AKR7A2: variants seen among roughly 807,000 people sequenced by gnomAD.
AKR7A2 encodes aldo-keto reductase family 7 member A2.
In AKR7A2, 29 loss-of-function variants were observed where a neutral mutation model predicts 37.3. The ratio of observed to expected loss-of-function variants is 0.78; its 90% CI spans 0.58 to 1.06. The LOEUF (loss-of-function observed/expected upper bound fraction) is 1.06. Ranked by LOEUF, AKR7A2 falls within the 50% of genes least tolerant of loss-of-function variation. The pLI is 0.00. For synonymous variants in AKR7A2, 228 were observed against 217.8 expected, an observed-to-expected ratio of 1.05 and a Z score of -0.41; for missense variants, 529 against 497.9, an observed-to-expected ratio of 1.06 and a Z score of -0.59.
chr1:19,304,733 C>G (rs1196175847), intron 6 of AKR7A2, among the ~76,000 whole-genome samples: 1 of 152,092 alleles, frequency 6.6e-6, no homozygotes, highest in Admixed American at 6.6e-5. Context: ...CCAAAGTGTT[C>G]AAGACCAGCC....
In AKR7A2 at chr1:19,312,039, G is replaced by C; in HGVS notation, c.86C>G (p.Ala29Gly). Residue 29 changes from alanine to glycine, a missense_variant, in exon 1 of 7, where the codon GCC becomes GGC. Ala to Gly is a moderately conservative substitution (Grantham distance 60). Coordinates refer to ENST00000235835, the MANE Select transcript of AKR7A2 (RefSeq NM_003689.4). Reference sequence around the variant, plus strand: ...CCGCGGTGGCGGTGGCCGGGACATGGCGAGCGCGCGGGCCTCGGGCGGCGG... The same window carrying C: ...CCGCGGTGGCGGTGGCCGGGACATGCCGAGCGCGCGGGCCTCGGGCGGCGG... ...RSPPPEARAL[A>G]MSRPPPPRVA... 7.2e-7 allele frequency: 1 copy of C among 1,397,448 alleles called. No individual in the cohort carries two copies. The highest frequency in any genetic ancestry group is 9.2e-7 in the Non-Finnish European group (1 of 1,083,166). 86.6% of individuals were successfully genotyped at this position (1,397,448 alleles called of 1,614,324 possible).
downstream of AKR7A2, chr1:19,303,818 C>T (rs1048365387): frequency 3.1e-6 from 1 of 320,944 alleles, no homozygotes; most frequent in African/African-American, 2.1e-5. Flanking sequence ...GTATTCAGAC[C>T]AGGGGCCCGA....
At chr1:19,303,827 G>A (rs1036301991), downstream of AKR7A2, 12 of 303,088 alleles carry the variant, frequency 4.0e-5, no homozygotes, top group South Asian at 9.3e-5. Context: ...CCAGGGGCCC[G>A]AGGAGACCCT....
intron 1 of AKR7A2, among the ~76,000 whole-genome samples, chr1:19,311,480 AC>A: frequency 6.6e-6 from 1 of 152,310 alleles, no homozygotes; most frequent in Admixed American, 6.5e-5. Flanking sequence ...GATGATGGTA[AC>A]GAAGGGGTAG....
At position 19,306,058 on chromosome 1, in the gene AKR7A2, G is replaced by A. The variant is rs79772073; in HGVS notation, c.878C>T (p.Ser293Leu). The A allele has an allele frequency of 7.2e-5, 117 of 1,614,126 alleles. 1 individual carries two copies. In the East Asian group the frequency reaches 2.0e-3, roughly 27 times the overall value. The change falls in exon 6 of 7, where the codon TCG becomes TTG. Residue 293 changes from serine to leucine, a missense_variant. Coordinates refer to ENST00000235835, the MANE Select transcript of AKR7A2 (RefSeq NM_003689.4). ...AYGASAPSVT[S>L]AALRWMYHHS... ...GTGGTACATCCACCGGAGGGCAGCC[G>A]AGGTCACACTGGGGGCGCTGGCGCC... is the stretch of plus-strand genomic sequence containing the variant.
At chr1:19,309,303 A>C (rs1395029623) in intron 1 of AKR7A2, among the ~76,000 whole-genome samples, 1 of 152,186 alleles carries the variant, frequency 6.6e-6, no homozygotes, top group Non-Finnish European at 1.5e-5. Context: ...TGATCATTCC[A>C]GATTTTGTCA....
In AKR7A2 at chr1:19,304,192, G is replaced by A. The variant is rs1482863556; in HGVS notation, c.*33C>T. ...GTGTGAGAGAACAAAAGAGGTGACA[G>A]AAAAGCCTTGGGCAGCCTGAGCCAT... On this transcript the variant is annotated 3_prime_UTR_variant, in exon 7 of 7. Coordinates refer to ENST00000235835, the MANE Select transcript of AKR7A2 (RefSeq NM_003689.4). The A allele has an allele frequency of 2.5e-6, 4 of 1,614,112 alleles. No homozygotes were observed. The highest frequency in any genetic ancestry group is 1.1e-5 in the South Asian group (1 of 91,090).
rs898756371 is a variant in AKR7A2 at position 19,306,068 on chromosome 1, T to C, written c.868A>G (p.Ser290Gly). 2 of 1,614,022 alleles carry C rather than the reference T, an allele frequency of 1.2e-6. No homozygotes were observed. Among genetic ancestry groups the C allele is most frequent in the Admixed American group, 1.7e-5 (1 of 60,006 alleles). Residue 290 changes from serine (S) to glycine (G), a missense_variant, in exon 6 of 7, where the codon AGT becomes GGT. Transcript: ENST00000235835. Reference protein sequence around the residue: ...LQAAYGASAPSVTSAALRWMY... With the variant: ...LQAAYGASAPGVTSAALRWMY... ...CACCGGAGGGCAGCCGAGGTCACACTGGGGGCGCTGGCGCCATATGCGGCC... is the reference window on the plus strand; with the variant it reads ...CACCGGAGGGCAGCCGAGGTCACACCGGGGGCGCTGGCGCCATATGCGGCC...
intron 1 of AKR7A2, among the ~76,000 whole-genome samples, chr1:19,311,119 G>A (rs979034950): frequency 1.1e-4 from 17 of 152,148 alleles, no homozygotes; most frequent in African/African-American, 4.1e-4. Context: ...AGCATTTGCT[G>A]AGCCTTCCCT....
chr1:19,311,549 C>A (rs1255888895), intron 1 of AKR7A2, among the ~76,000 whole-genome samples: 3 of 147,408 alleles, frequency 2.0e-5, no homozygotes, highest in African/African-American at 7.6e-5. Context: ...GGTTTGGAGG[C>A]GGGGGCATCA....
rs2151988909 is a variant in AKR7A2, at chr1:19,307,460, A to G, written c.592-50T>C. On this transcript the variant is annotated intron_variant, in intron 3 of 6. Coordinates refer to ENST00000235835, the MANE Select transcript of AKR7A2 (RefSeq NM_003689.4). ...CAGGGTGGACATGTCAAGAGAAGGAACTGTTGCCTTCCACTTTCAAACCTC... is the reference window on the plus strand; with the variant it reads ...CAGGGTGGACATGTCAAGAGAAGGAGCTGTTGCCTTCCACTTTCAAACCTC... 5 of 1,597,770 alleles carry G rather than the reference A, an allele frequency of 3.1e-6. No individual in the cohort carries two copies. In the African/African-American group the frequency reaches 4.0e-5, roughly 13 times the overall value.
In AKR7A2 at chr1:19,312,047, G is replaced by A. The variant is rs2151991928; in HGVS notation, c.78C>T (p.Arg26=). ...GCGGTGGCCGGGACATGGCGAGCGC[G>A]CGGGCCTCGGGCGGCGGAGAGCGAA... ...CALRSPPPEA[R]ALAMSRPPPP... is the part of the protein sequence containing the mutation. Residue 26 remains arginine, a synonymous_variant, in exon 1 of 7, where the codon CGC becomes CGT. Coordinates refer to ENST00000235835, the MANE Select transcript of AKR7A2 (RefSeq NM_003689.4). 2.2e-6 allele frequency: 3 copies of A among 1,385,064 alleles called. No homozygotes were observed. Among genetic ancestry groups the A allele is most frequent in the East Asian group, 3.1e-5 (1 of 32,756 alleles). The allele number at this position is 1,385,064 out of a possible 1,614,324, so 85.8% of individuals were successfully genotyped here. A position where few individuals can be genotyped will look rare whatever the true frequency, so the allele number is the denominator to read the frequency against.
intron 3 of AKR7A2, chr1:19,307,693 A>C (rs866417929): frequency 1.5e-5 from 8 of 549,440 alleles, no homozygotes; most frequent in Middle Eastern, 4.7e-4. Flanking sequence ...ATGTTTACTC[A>C]AGTTTAAAAA....
rs2093769330 is a variant in AKR7A2 at position 19,310,077 on chromosome 1, AAAAAC to A, written c.299-1440_299-1436del. 2.0e-5 allele frequency among the ~76,000 whole-genome samples: 3 copies of A among 150,674 alleles called. No homozygotes were observed. In the South Asian group the frequency reaches 6.3e-4, roughly 31 times the overall value. ...GGCGACAGAGTGAGACTCTGTGTCA[AAAAAC>A]AAAAAACAAAACAAAAAAAAAGAAC... is the stretch of plus-strand genomic sequence containing the variant. On this transcript the variant is annotated intron_variant, in intron 1 of 6. Coordinates refer to ENST00000235835, the MANE Select transcript of AKR7A2 (RefSeq NM_003689.4).
chr1:19,308,268 T>A lies in AKR7A2; in HGVS notation c.487-6A>T. Reference sequence around the variant, plus strand: ...CCAAGCTCCACGAACTTGCCCTGCATGGGTGAGGCTCCAGTCAGAACGCAG... The same window carrying A: ...CCAAGCTCCACGAACTTGCCCTGCAAGGGTGAGGCTCCAGTCAGAACGCAG... On this transcript the variant is annotated splice_region_variant and splice_polypyrimidine_tract_variant and intron_variant, in intron 2 of 6. Coordinates refer to ENST00000235835, the MANE Select transcript of AKR7A2 (RefSeq NM_003689.4). The A allele has an allele frequency of 6.2e-7, 1 of 1,614,176 alleles. No individual in the cohort carries two copies. The highest frequency in any genetic ancestry group is 8.5e-7 in the Non-Finnish European group (1 of 1,180,018).
In AKR7A2 at chr1:19,312,094, G is replaced by A. The variant is rs991405187; in HGVS notation, c.31C>T (p.Arg11Cys). The A allele has an allele frequency of 5.2e-6, 7 of 1,334,854 alleles. No individual in the cohort carries two copies. Among genetic ancestry groups the A allele is most frequent in the South Asian group, 2.1e-5 (1 of 48,626 alleles). 82.7% of individuals were successfully genotyped at this position (1,334,854 alleles called of 1,614,324 possible). Residue 11 changes from arginine to cysteine, a missense_variant, in exon 1 of 7, where the codon CGC (arginine) becomes TGC (cysteine). Physicochemically the swap from Arg to Cys is radical, Grantham distance 180. Coordinates refer to ENST00000235835, the MANE Select transcript of AKR7A2 (RefSeq NM_003689.4). Reference protein sequence around the residue: MLSAASRVVSRAAVHCALRSP... With the variant: MLSAASRVVSCAAVHCALRSP... ...CGAAGCGCGCAGTGGACGGCGGCGCGGGAGACTACGCGAGACGCGGCACTC... is the reference window on the plus strand; with the variant it reads ...CGAAGCGCGCAGTGGACGGCGGCGCAGGAGACTACGCGAGACGCGGCACTC...
chr1:19,311,851 C>G lies in AKR7A2; in HGVS notation c.274G>C (p.Gly92Arg), dbSNP rs1485496148. 2 of 1,610,382 alleles carry G rather than the reference C, an allele frequency of 1.2e-6. No individual in the cohort carries two copies. The highest frequency in any genetic ancestry group is 1.7e-6 in the Non-Finnish European group (2 of 1,179,570). ...CCTCTGCAGTCGCCACCGCCCAGCC[C>G]GAGCCCCAGGCCGCCCAGGATGGTC... ...SETILGGLGL[G>R]LGGGDCRVKI... Residue 92 changes from glycine (G) to arginine (R), a missense_variant, in exon 1 of 7, where the codon GGG becomes CGG. By Grantham distance (125) the Gly-to-Arg change is moderately radical. Transcript: ENST00000235835.
In AKR7A2 at chr1:19,306,012, G is replaced by C. The variant is rs764256241; in HGVS notation, c.918+6C>G. ...AAGAAGCTGAGCACCCAGGGTCGCT[G>C]GTTACCTGCAGCTGTGAGTGGTGGT... On this transcript the variant is annotated splice_donor_region_variant and intron_variant, in intron 6 of 6. Coordinates refer to ENST00000235835, the MANE Select transcript of AKR7A2 (RefSeq NM_003689.4). The C allele has an allele frequency of 6.2e-6, 10 of 1,613,722 alleles. No homozygotes were observed. In the East Asian group the frequency reaches 2.2e-4, roughly 36 times the overall value.
intron 6 of AKR7A2, among the ~76,000 whole-genome samples, 188 bp downstream of exon 6, chr1:19,305,830 A>C (rs762255725): frequency 1.4e-4 from 22 of 152,242 alleles, no homozygotes; most frequent in Non-Finnish European, 2.4e-4. Context: ...AAATCCCTGT[A>C]ATGAAAATCC....
Sources: allele counts gnomAD v4.1 joint callset (sites outside exome capture counted in the v4.1 genomes callset), GRCh38; gene constraint gnomAD v4.1.1; transcripts MANE v1.5; gene names NCBI Gene and HGNC (gene_info 2026-07-23, HGNC 2026-07-21).